Variants in DCHS1 observed in about 807,000 individuals in gnomAD.
DCHS1 encodes protocadherin-16.
A neutral mutation model predicts 213.9 loss-of-function variants in DCHS1; 78 were observed. The ratio of observed to expected loss-of-function variants is 0.36; its 90% confidence interval spans 0.30 to 0.44. The LOEUF is 0.44. Ranked by LOEUF, DCHS1 falls within the 20% of genes least tolerant of loss-of-function variation. The probability of loss-of-function intolerance (pLI) is 1.00; values close to 1 mark genes in which losing one functional copy is unlikely to be tolerated. For missense variants in DCHS1, 3,946 were observed against 4,395.9 expected, an observed-to-expected ratio of 0.90 and a Z score of 2.89; for synonymous variants, 1,828 against 1,873.7, an observed-to-expected ratio of 0.98 and a Z score of 0.63.
rs141520138 is a variant in DCHS1 at position 6,632,812 on chromosome 11, C to A, written c.2700G>T (p.Thr900=). Residue 900 remains threonine (T), a synonymous_variant, in exon 6 of 21, where the codon ACG becomes ACT. Transcript: ENST00000299441. The surrounding 1 kb of genome is among the most constrained non-coding windows in gnomAD (Gnocchi z 5.9). The part of the protein sequence containing the change: ...NSPAFPAPED[T]VLLPPNTAPG... ...GGGCAGTGTTTGGTGGTAGCAATAC[C>A]GTGTCTTCAGGTGCAGGAAAGGCAG... 2 of 1,613,826 alleles carry A rather than the reference C, an allele frequency of 1.2e-6. No homozygotes were observed. The highest frequency in any genetic ancestry group is 2.2e-5 in the East Asian group (1 of 44,894).
Position 6,621,569 on chromosome 11 carries a change from C to A in DCHS1, c.*210G>T. ...GCTACCTCCTTCATATTTCTCCCCA[C>A]ATTGGACCTGGTCACAGGTCAGTGA... On this transcript the variant is annotated 3_prime_UTR_variant, in exon 21 of 21. Coordinates refer to ENST00000299441, the MANE Select transcript of DCHS1 (RefSeq NM_003737.4). The A allele has an allele frequency of 1.4e-6, 1 of 707,636 alleles. No individual in the cohort carries two copies. Among genetic ancestry groups the A allele is most frequent in the Admixed American group, 2.0e-5 (1 of 49,628 alleles). 43.8% of individuals were successfully genotyped at this position (707,636 alleles called of 1,614,324 possible).
At chr11:6,649,730 G>A (rs555042083) in intron 1 of DCHS1, among the ~76,000 whole-genome samples, 101 of 152,204 alleles carry the variant, frequency 6.6e-4, no homozygotes, top group African/African-American at 2.3e-3. Flanking sequence ...CTGGGGCACG[G>A]GGTAGTGACA....
intron 5 of DCHS1, 29 bp downstream of exon 5, chr11:6,633,383 C>T (rs749264593): frequency 6.5e-7 from 1 of 1,542,766 alleles, no homozygotes; most frequent in Non-Finnish European, 8.8e-7. Flanking sequence ...TTGGGTCTGA[C>T]ACCAAGTGGG....
rs1370705049 is a variant in DCHS1, at chr11:6,626,895, G to A, written c.6144C>T (p.Arg2048=). 3 of 1,613,594 alleles carry A rather than the reference G, an allele frequency of 1.9e-6. No individual in the cohort carries two copies. The highest frequency in any genetic ancestry group is 1.7e-6 in the Non-Finnish European group (2 of 1,179,888). The change falls in exon 14 of 21, where the codon CGC becomes CGT. Residue 2048 remains arginine (R), a synonymous_variant. Coordinates refer to ENST00000299441, the MANE Select transcript of DCHS1 (RefSeq NM_003737.4). The surrounding 1 kb of genome is among the most constrained non-coding windows in gnomAD (Gnocchi z 5.2). ...IVATDLGRPA[R]SATGVIIVGL... Reference sequence around the variant, plus strand: ...CAACAATGATCACACCAGTGGCAGAGCGAGCTGGACGGCCAAGATCAGTGG... The same window carrying A: ...CAACAATGATCACACCAGTGGCAGAACGAGCTGGACGGCCAAGATCAGTGG...
At chr11:6,629,373 G>A in intron 12 of DCHS1, 79 bp downstream of exon 12, 1 of 1,536,024 alleles carries the variant, frequency 6.5e-7, no homozygotes, top group South Asian at 1.2e-5. Context: ...CTAAAAGGTA[G>A]TACTTTGGGT....
rs779297780 is a variant in DCHS1 at position 6,625,631 on chromosome 11, G to C, written c.6828C>G (p.Thr2276=). The C allele has an allele frequency of 1.4e-5, 23 of 1,613,454 alleles. No individual in the cohort carries two copies. Among genetic ancestry groups the C allele is most frequent in the Non-Finnish European group, 1.9e-5 (23 of 1,179,852 alleles). ...CTCGGAGCTCCCAGGGTTGGGGGAT[G>C]GTGGGGCGATTGTCATTGGTGTCGA... is the stretch of plus-strand genomic sequence containing the variant. ...MVIDTNDNRP[T]IPQPWELRVS... Residue 2276 remains threonine (T), a synonymous_variant, in exon 18 of 21, where the codon ACC becomes ACG. Transcript: ENST00000299441. This position sits in a 1 kb window ranked among gnomAD's most constrained non-coding sequence, Gnocchi z 5.3.
chr11:6,644,347 C>T (rs1028178119), intron 1 of DCHS1, among the ~76,000 whole-genome samples: 2 of 152,210 alleles, frequency 1.3e-5, no homozygotes, highest in Non-Finnish European at 2.9e-5. Context: ...TCCATGGTCC[C>T]TCACCTTTAC....
rs370143518 is a variant in DCHS1, at chr11:6,624,824, G to T, written c.7191C>A (p.Ser2397=). The T allele has an allele frequency of 3.1e-6, 5 of 1,613,860 alleles. No homozygotes were observed. In the African/African-American group the frequency reaches 6.7e-5, roughly 22 times the overall value. ...CTGAGTCCCGATCAGTGGCAGAGAC[G>T]GAGAGAATGGCACTGCCTGGGGGTG... ...EHTPPGSAIL[S]VSATDRDSGA... The change falls in exon 20 of 21, where the codon TCC becomes TCA. Residue 2397 remains serine (S), a synonymous_variant. Transcript: ENST00000299441.
rs1258792609 is a variant in DCHS1, at chr11:6,627,356, C to A, written c.5683G>T (p.Gly1895Cys). ...GANGHVTYYLGAGTAGAFLLE... is the reference protein window; with the variant it reads ...GANGHVTYYLCAGTAGAFLLE... ...AGGAAGGCTCCTGCTGTACCGGCGC[C>A]CAGGTAGTAGGTCACATGGCCATTA... The change falls in exon 14 of 21, where the codon GGC (glycine) becomes TGC (cysteine). Residue 1895 changes from glycine to cysteine, a missense_variant. Physicochemically the swap from Gly to Cys is radical, Grantham distance 159 (BLOSUM62 -3). Transcript: ENST00000299441. This position sits in a 1 kb window ranked among gnomAD's most constrained non-coding sequence, Gnocchi z 5.4. 9 of 1,608,054 alleles carry A rather than the reference C, an allele frequency of 5.6e-6. No individual in the cohort carries two copies. Among genetic ancestry groups the A allele is most frequent in the East Asian group, 2.2e-5 (1 of 44,552 alleles).
chr11:6,652,132 C>T (rs1449442342), intron 1 of DCHS1, among the ~76,000 whole-genome samples: 2 of 152,104 alleles, frequency 1.3e-5, no homozygotes, highest in Non-Finnish European at 2.9e-5. Context: ...GGAGGAGCTC[C>T]AGAAGAGATA....
At position 6,622,920 on chromosome 11, in the gene DCHS1, G is replaced by C; in HGVS notation, c.8756C>G (p.Thr2919Ser). The C allele has an allele frequency of 1.3e-6, 2 of 1,593,282 alleles. No homozygotes were observed. The highest frequency in any genetic ancestry group is 1.7e-6 in the Non-Finnish European group (2 of 1,170,092). Residue 2919 changes from threonine (T) to serine (S), a missense_variant, in exon 21 of 21, where the codon ACC becomes AGC. By Grantham distance (58) the Thr-to-Ser change is moderately conservative. Transcript: ENST00000299441. This position sits in a 1 kb window ranked among gnomAD's most constrained non-coding sequence, Gnocchi z 5.4. The part of the protein sequence containing the change: ...PGSRSATVPV[T>S]VDITHTALGL... ...CAGTGCGGTGTGGGTGATATCCACG[G>C]TCACAGGCACTGTGGCACTCCGGGA...
Position 6,632,883 on chromosome 11 carries a change from C to T in DCHS1, c.2629G>A (p.Val877Ile). 1 of 1,614,024 alleles carries T rather than the reference C, an allele frequency of 6.2e-7. No homozygotes were observed. ...AGSGVPPAFA[V>I]ARVRVLLDDV... The stretch of plus-strand genomic sequence containing the variant: ...TCCAGCAGCACACGCACCCGAGCTA[C>T]AGCGAAAGCTGGGGGCACTCCACTG... The change falls in exon 6 of 21, where the codon GTA (valine) becomes ATA (isoleucine). Residue 877 changes from valine (V) to isoleucine (I), a missense_variant. This residue lies in a region of DCHS1 where 3,384 missense variants were observed against 3,780.1 expected (regional missense o/e 0.90). Transcript: ENST00000299441. The surrounding 1 kb of genome is among the most constrained non-coding windows in gnomAD (Gnocchi z 5.9).
chr11:6,650,036 G>C (rs1461841717), intron 1 of DCHS1, among the ~76,000 whole-genome samples: 1 of 152,130 alleles, frequency 6.6e-6, no homozygotes, highest in Non-Finnish European at 1.5e-5. Context: ...TGATGAAAGG[G>C]GAGCTCAAAG....
intron 2 of DCHS1, among the ~76,000 whole-genome samples, chr11:6,637,042 C>T (rs1855995662): frequency 6.6e-6 from 1 of 152,240 alleles, no homozygotes; most frequent in Non-Finnish European, 1.5e-5. Context: ...CCTGGTATAT[C>T]AATCAACCAG....
At chr11:6,649,698 C>CGGGCA (rs1330711023) in intron 1 of DCHS1, among the ~76,000 whole-genome samples, 1 of 152,004 alleles carries the variant, frequency 6.6e-6, no homozygotes, top group Non-Finnish European at 1.5e-5. Flanking sequence ...TCGGCAGGGA[C>CGGGCA]GGGCAGGGCA....
rs1353812676 is a variant in DCHS1, at chr11:6,622,513, T to C, written c.9163A>G (p.Ser3055Gly). ...RMINEFPRVA[S>G]VASSLAARGP... ...CGGGCAGCCAGAGAGGAGGCCACAC[T>C]GGCCACACGGGGGAACTCATTGATC... The change falls in exon 21 of 21, where the codon AGT (serine) becomes GGT (glycine). Residue 3055 changes from serine (S) to glycine (G), a missense_variant. This residue lies in a region of DCHS1 where 554 missense variants were observed against 590.2 expected (regional missense o/e 0.94). Transcript: ENST00000299441. This position sits in a 1 kb window ranked among gnomAD's most constrained non-coding sequence, Gnocchi z 5.4. The C allele has an allele frequency of 6.3e-7, 1 of 1,577,934 alleles. No individual in the cohort carries two copies. The highest frequency in any genetic ancestry group is 8.6e-7 in the Non-Finnish European group (1 of 1,162,368).
Position 6,640,777 on chromosome 11 carries a change from T to C in DCHS1, c.837A>G (p.Ala279=), listed in dbSNP as rs768397476. 1.2e-6 allele frequency: 2 copies of C among 1,613,904 alleles called. No individual in the cohort carries two copies. Among genetic ancestry groups the C allele is most frequent in the Admixed American group, 3.3e-5 (2 of 60,010 alleles). Residue 279 remains alanine (A), a synonymous_variant, in exon 2 of 21, where the codon GCA becomes GCG. Transcript: ENST00000299441. This position sits in a 1 kb window ranked among gnomAD's most constrained non-coding sequence, Gnocchi z 6.5. ...CATTGACACCAGCATCGGCATCAGA[T>C]GCGAACACCTGCAAGACAGGACTGC... The part of the protein sequence containing the change: ...APGSPVLQVF[A]SDADAGVNGA...
Position 6,625,792 on chromosome 11 carries a change from G to A in DCHS1, c.6732-65C>T. The A allele has an allele frequency of 8.2e-6, 13 of 1,585,032 alleles. No homozygotes were observed. Among genetic ancestry groups the A allele is most frequent in the Non-Finnish European group, 1.1e-5 (13 of 1,164,906 alleles). ...AAGGGGGAACTCTGGGCAGGGCCAG[G>A]AGGACTCAGGACAGAGCTTAGGGCT... On this transcript the variant is annotated intron_variant, in intron 17 of 20. Transcript: ENST00000299441. This position sits in a 1 kb window ranked among gnomAD's most constrained non-coding sequence, Gnocchi z 5.3.
At chr11:6,638,802 C>T (rs1232072365) in intron 2 of DCHS1, among the ~76,000 whole-genome samples, 1 of 152,190 alleles carries the variant, frequency 6.6e-6, no homozygotes, top group African/African-American at 2.4e-5. Flanking sequence ...TGTCACACAC[C>T]TGCTGATCCA....
Sources: allele counts gnomAD v4.1 joint callset (sites outside exome capture counted in the v4.1 genomes callset), GRCh38; gene constraint gnomAD v4.1.1; regional missense constraint gnomAD v4.1.1; non-coding constraint Gnocchi (gnomAD v3.1); transcripts MANE v1.5; gene names NCBI Gene and HGNC (gene_info 2026-07-23, HGNC 2026-07-21).